The following PLD3 variants were observed in gnomAD, a reference collection of about 807,000 sequenced individuals.
PLD3 encodes the protein 5'-3' exonuclease PLD3.
Under a neutral mutation model 58.4 loss-of-function variants are expected in PLD3, and 31 were observed. The ratio of observed to expected loss-of-function variants is 0.53; its 90% CI spans 0.40 to 0.72. The LOEUF is 0.72. PLD3 is among the 30% of genes least tolerant of loss of function. PLD3 has a pLI of 0.00. For synonymous variants in PLD3, 264 were observed against 273.4 expected (o/e 0.97, Z 0.34); for missense variants, 595 against 659.8 (o/e 0.90, Z 1.08).
At chr19:40,354,357 C>T (rs1388111079) in intron 1 of PLD3, among the ~76,000 whole-genome samples, 1 of 151,742 alleles carries the variant, frequency 6.6e-6, no homozygotes, top group Non-Finnish European at 1.5e-5. Context: ...CAGGCGTGAG[C>T]CACCACGCCT....
chr19:40,370,103 G>A lies in PLD3; in HGVS notation c.551-7G>A, dbSNP rs1241222917. The A allele has an allele frequency of 1.9e-6, 3 of 1,606,766 alleles. No individual in the cohort carries two copies. Among genetic ancestry groups the A allele is most frequent in the Non-Finnish European group, 2.5e-6 (3 of 1,176,860 alleles). ...TGGCCCCTGATCTCTGCCCCTGCTG[G>A]TCACAGGTGCCCAGGTCCGCATGGT... On this transcript the variant is annotated splice_region_variant and splice_polypyrimidine_tract_variant and intron_variant, in intron 7 of 12. Transcript: ENST00000409735.
intron 10 of PLD3, 187 bp downstream of exon 10, chr19:40,374,807 A>T (rs533689833): frequency 6.5e-6 from 4 of 613,714 alleles, no homozygotes; most frequent in African/African-American, 5.5e-5. Flanking sequence ...GGAGAAAGAG[A>T]GATTACAGAG....
chr19:40,367,945 G>A, intron 6 of PLD3, 66 bp downstream of exon 6: 1 of 1,346,244 alleles, frequency 7.4e-7, no homozygotes, highest in South Asian at 1.3e-5. Flanking sequence ...GGGCTGTGGG[G>A]AATGAAGGGG....
intron 10 of PLD3, among the ~76,000 whole-genome samples, chr19:40,375,680 A>G (rs900664970): frequency 5.3e-5 from 8 of 150,868 alleles, no homozygotes; most frequent in African/African-American, 1.9e-4. Context: ...AAAAAAAAAA[A>G]GAAGGATAAC....
rs1280050314 is a variant in PLD3, at chr19:40,366,447, C to T, written c.-37C>T. The T allele has an allele frequency of 1.9e-6, 3 of 1,609,566 alleles. No individual in the cohort carries two copies. The highest frequency in any genetic ancestry group is 2.6e-6 in the Non-Finnish European group (3 of 1,175,876). ...GGAGACCCTGACACACCCACCTTCT[C>T]ACCTGGGCTCTGCGTATCCCCCAGC... On this transcript the variant is annotated 5_prime_UTR_variant, in exon 3 of 13. Transcript: ENST00000409735.
rs560641210 is a variant in PLD3 at position 40,369,820 on chromosome 19, A to G, written c.430-88A>G. 24 of 1,258,746 alleles carry G rather than the reference A, an allele frequency of 1.9e-5. No individual in the cohort carries two copies. The Admixed American group carries it at 2.0e-4, about 10-fold the overall frequency. 78.0% of individuals were successfully genotyped at this position (1,258,746 alleles called of 1,614,324 possible). A position where few individuals can be genotyped will look rare whatever the true frequency, so the allele number is the denominator to read the frequency against. ...ATGTAAAGTCTGTTTACTCCTAATCATGTCTCAAAATAACTCCACCGGGCA... is the reference window on the plus strand; with the variant it reads ...ATGTAAAGTCTGTTTACTCCTAATCGTGTCTCAAAATAACTCCACCGGGCA... On this transcript the variant is annotated intron_variant, in intron 6 of 12. Transcript: ENST00000409735.
At chr19:40,367,669 T>C (rs755762354) in intron 5 of PLD3, 27 bp from the exon 6 acceptor site, 2 of 1,586,692 alleles carry the variant, frequency 1.3e-6, no homozygotes, top group Non-Finnish European at 1.7e-6. Flanking sequence ...CGGCACCGTA[T>C]GGCTGATAGC....
At chr19:40,363,013 C>T (rs1391873458) in intron 1 of PLD3, among the ~76,000 whole-genome samples, 1 of 152,156 alleles carries the variant, frequency 6.6e-6, no homozygotes, top group East Asian at 1.9e-4. Context: ...AGTCCTCTCA[C>T]CTCAGCCTCC....
intron 1 of PLD3, among the ~76,000 whole-genome samples, chr19:40,361,902 C>T (rs747531621): frequency 6.6e-6 from 1 of 151,554 alleles, no homozygotes; most frequent in Non-Finnish European, 1.5e-5. Flanking sequence ...AGTGCGGTGG[C>T]GCCAACTCAC....
intron 8 of PLD3, chr19:40,370,893 G>A (rs911834333): frequency 6.0e-4 from 91 of 152,850 alleles, no homozygotes; most frequent in African/African-American, 2.0e-3. Context: ...TGGACCTCAT[G>A]GAACTCCCAG....
chr19:40,365,883 C>G lies in PLD3; in HGVS notation c.-113C>G, dbSNP rs7253975. On this transcript the variant is annotated 5_prime_UTR_variant, in exon 2 of 13. Transcript: ENST00000409735. ...CTGTCCAGACAGAAGCTGGGGCCCACCGGAGGTAGCTGCAGACGCCTGAGA... is the reference window on the plus strand; with the variant it reads ...CTGTCCAGACAGAAGCTGGGGCCCAGCGGAGGTAGCTGCAGACGCCTGAGA... 148,334 of 154,430 alleles carry G rather than the reference C, an allele frequency of 0.96. 71,264 individuals are homozygous for G. Among genetic ancestry groups the G allele is most frequent in the Middle Eastern group, 0.98 (291 of 296 alleles). The allele number at this position is 154,430 out of a possible 1,614,324, so 9.6% of individuals were successfully genotyped here. A position where few individuals can be genotyped will look rare whatever the true frequency, so the allele number is the denominator to read the frequency against.
chr19:40,364,705 C>T (rs2078872219), intron 1 of PLD3, among the ~76,000 whole-genome samples: 1 of 149,606 alleles, frequency 6.7e-6, no homozygotes, highest in African/African-American at 2.5e-5. Flanking sequence ...CTGAGGTGGG[C>T]GAATTGCTCG....
At chr19:40,355,293 AT>A (rs1043105295) in intron 1 of PLD3, among the ~76,000 whole-genome samples, 2 of 149,318 alleles carry the variant, frequency 1.3e-5, no homozygotes, top group East Asian at 2.0e-4. Context: ...CTTTAAGAAG[AT>A]TTTTTTTCCT....
At chr19:40,376,078 G>A (rs571116769) in intron 10 of PLD3, among the ~76,000 whole-genome samples, 4 of 147,376 alleles carry the variant, frequency 2.7e-5, no homozygotes, top group East Asian at 2.0e-4. Flanking sequence ...AGGATGGACC[G>A]GGCACAGTGG....
At position 40,370,228 on chromosome 19, in the gene PLD3, A is replaced by G; in HGVS notation, c.669A>G (p.Ser223=). ...GCAGTGCCAACATGGACTGGCGTTCACTGACCCAGGTCTGTCTGCACCCTG... is the reference window on the plus strand; with the variant it reads ...GCAGTGCCAACATGGACTGGCGTTCGCTGACCCAGGTCTGTCTGCACCCTG... ...YLGSANMDWR[S]LTQVKELGVV... Residue 223 remains serine, a synonymous_variant, in exon 8 of 13, where the codon TCA becomes TCG. Coordinates refer to ENST00000409735, the MANE Select transcript of PLD3 (RefSeq NM_012268.4). 1 of 1,613,262 alleles carries G rather than the reference A, an allele frequency of 6.2e-7. No individual in the cohort carries two copies. The highest frequency in any genetic ancestry group is 1.1e-5 in the South Asian group (1 of 91,014).
chr19:40,376,506 A>AG (rs2079204911), intron 10 of PLD3, 103 bp from the exon 11 acceptor site: 1 of 1,135,238 alleles, frequency 8.8e-7, no homozygotes, highest in Admixed American at 2.1e-5. Flanking sequence ...TCCTCTCAAT[A>AG]GCTAAAGCAG....
At chr19:40,357,536 G>C (rs2078682453) in intron 1 of PLD3, 1 of 152,168 alleles carries the variant, frequency 6.6e-6, no homozygotes, top group African/African-American at 2.4e-5. Context: ...CTCAGGTTGA[G>C]ATGCCATTAT....
At chr19:40,363,937 G>C (rs142079561) in intron 1 of PLD3, among the ~76,000 whole-genome samples, 1 of 151,868 alleles carries the variant, frequency 6.6e-6, no homozygotes, top group Non-Finnish European at 1.5e-5. Context: ...AGAGTAATGC[G>C]CGCCCCTGAT....
chr19:40,373,991 C>CAA (rs750537190), intron 9 of PLD3, among the ~76,000 whole-genome samples: 43 of 43,238 alleles, frequency 9.9e-4, no homozygotes, highest in Non-Finnish European at 1.3e-3. Flanking sequence ...GACTCCATCT[C>CAA]AAAAAAAAAA....
Sources: gnomAD v4.1 joint callset for allele counts (sites outside exome capture counted in the v4.1 genomes callset) on GRCh38, gnomAD v4.1.1 for gene constraint, MANE v1.5 for transcripts, NCBI Gene and HGNC (gene_info 2026-07-23, HGNC 2026-07-21) for gene names.